The following MED12 variants were observed in gnomAD, a reference collection of about 807,000 sequenced individuals.
MED12 encodes mediator of RNA polymerase II transcription subunit 12.
In MED12, 10 loss-of-function variants were observed where a neutral mutation model predicts 177.7. That is an observed-to-expected ratio of 0.06 (90% CI 0.03 to 0.10). The LOEUF (loss-of-function observed/expected upper bound fraction) is 0.10, where lower values mean the gene tolerates loss of function less well. MED12 is among the 10% of genes least tolerant of loss of function. MED12 has a pLI of 1.00. For missense variants in MED12, 867 were observed against 1,780.8 expected, an observed-to-expected ratio of 0.49 and a Z score of 9.23; for synonymous variants, 641 against 678.4, an observed-to-expected ratio of 0.94 and a Z score of 0.86.
At chrX:71,128,535 A>AG (rs1241690170) in intron 23 of MED12, 63 bp from the exon 24 acceptor site, 1 of 1,207,208 alleles carries the variant, frequency 8.3e-7, no homozygotes, top group Non-Finnish European at 1.1e-6. Context: ...CGTAGAGTGG[A>AG]GGCACACCGC....
In MED12 at chrX:71,127,331, T is replaced by C; in HGVS notation, c.2850-5T>C. The C allele has an allele frequency of 1.7e-6, 2 of 1,211,541 alleles. No individual in the cohort carries two copies. Among genetic ancestry groups the C allele is most frequent in the African/African-American group, 3.5e-5 (2 of 57,873 alleles). On this transcript the variant is annotated splice_region_variant and splice_polypyrimidine_tract_variant and intron_variant, in intron 20 of 44. Transcript: ENST00000374080. ...TGACCCTCCCAACCTTGCTTCTTCATGCAGGCTGTGTGGCGTCGTGAAGCA... is the reference window on the plus strand; with the variant it reads ...TGACCCTCCCAACCTTGCTTCTTCACGCAGGCTGTGTGGCGTCGTGAAGCA...
intron 15 of MED12, 100 bp from the exon 16 acceptor site, chrX:71,125,251 G>T (rs779802833): frequency 1.7e-6 from 2 of 1,194,928 alleles, no homozygotes; most frequent in Admixed American, 2.2e-5. Flanking sequence ...GTTGGGAAAG[G>T]GAAGGGCTTT....
chrX:71,129,217 T>TAAGTGACCCTGATCTGAACCAGCCAAC lies in MED12; in HGVS notation c.3577+4_3577+30dup, dbSNP rs2092310663. 1 of 1,197,896 alleles carries TAAGTGACCCTGATCTGAACCAGCCAAC rather than the reference T, an allele frequency of 8.3e-7. No homozygotes were observed. Among genetic ancestry groups the TAAGTGACCCTGATCTGAACCAGCCAAC allele is most frequent in the Non-Finnish European group, 1.1e-6 (1 of 884,350 alleles). ...TCAATCCTTGCCAGTCTGATGGAAG[T>TAAGTGACCCTGATCTGAACCAGCCAAC]AAGTGACCCTGATCTGAACCAGCCA... On this transcript the variant is annotated splice_region_variant and intron_variant, in intron 25 of 44. Coordinates refer to ENST00000374080, the MANE Select transcript of MED12 (RefSeq NM_005120.3).
chrX:71,134,030 C>G (rs1358771243), intron 33 of MED12, among the ~76,000 whole-genome samples: 3 of 109,570 alleles, frequency 2.7e-5, no homozygotes, highest in Non-Finnish European at 5.7e-5. Flanking sequence ...GAGATCGAGA[C>G]CATCCTGGTT....
At chrX:71,128,824 C>T in intron 24 of MED12, 106 bp downstream of exon 24, 2 of 991,011 alleles carry the variant, frequency 2.0e-6, no homozygotes, top group Non-Finnish European at 2.8e-6. Context: ...GCTGCGGCTC[C>T]CTGGCCTTCC....
In MED12 at chrX:71,142,016, C is replaced by T. The variant is rs369098007; in HGVS notation, c.6490+52C>T. On this transcript the variant is annotated intron_variant, in intron 44 of 44. Coordinates refer to ENST00000374080, the MANE Select transcript of MED12 (RefSeq NM_005120.3). ...AACCCCATGGAATAAATTTAGGGGGCGGGGTGGGCCAAAGTAGCTGAAACG... is the reference window on the plus strand; with the variant it reads ...AACCCCATGGAATAAATTTAGGGGGTGGGGTGGGCCAAAGTAGCTGAAACG... 6.2e-5 allele frequency: 72 copies of T among 1,157,123 alleles called. No individual in the cohort carries two copies. In the South Asian group the frequency reaches 1.0e-3, roughly 17 times the overall value.
intron 21 of MED12, 39 bp from the exon 22 acceptor site, chrX:71,127,854 T>G (rs1454490106): frequency 1.4e-5 from 15 of 1,090,796 alleles, no homozygotes; most frequent in South Asian, 1.9e-5. Context: ...TCAGCAGGCC[T>G]TCTTCAACAC....
intron 33 of MED12, among the ~76,000 whole-genome samples, chrX:71,133,788 G>A (rs1057231604): frequency 9.0e-6 from 1 of 111,225 alleles, no homozygotes; most frequent in African/African-American, 3.3e-5. Context: ...CTGGGCCCTA[G>A]AAGCACTGGA....
intron 41 of MED12, among the ~76,000 whole-genome samples, chrX:71,139,513 G>C (rs1349001800): frequency 9.1e-6 from 1 of 110,304 alleles, no homozygotes; most frequent in Non-Finnish European, 1.9e-5. Context: ...TCCCAGAAAG[G>C]GCTCTTTTGA....
Position 71,120,056 on chromosome X carries a change from G to A in MED12, c.439G>A (p.Ala147Thr), listed in dbSNP as rs748453083. 8.3e-6 allele frequency: 10 copies of A among 1,209,905 alleles called. No individual in the cohort carries two copies. The highest frequency in any genetic ancestry group is 7.8e-6 in the Non-Finnish European group (7 of 895,177). Residue 147 changes from alanine (A) to threonine (T), a missense_variant, in exon 4 of 45, where the codon GCC (alanine) becomes ACC (threonine). By Grantham distance (58) the Ala-to-Thr change is moderately conservative (BLOSUM62 0). Coordinates refer to ENST00000374080, the MANE Select transcript of MED12 (RefSeq NM_005120.3). ...GAAGGAAGAGGTGTTTGGGTACTTAGCCAAATACACAGTGCCTGTGATGCG... is the reference window on the plus strand; with the variant it reads ...GAAGGAAGAGGTGTTTGGGTACTTAACCAAATACACAGTGCCTGTGATGCG... Reference protein sequence around the residue: ...SKKEEVFGYLAKYTVPVMRAA... With the variant: ...SKKEEVFGYLTKYTVPVMRAA...
Position 71,134,407 on chromosome X carries a change from G to A in MED12, c.4668G>A (p.Glu1556=). 1 of 1,171,230 alleles carries A rather than the reference G, an allele frequency of 8.5e-7. No individual in the cohort carries two copies. The highest frequency in any genetic ancestry group is 1.8e-5 in the African/African-American group (1 of 56,207). ...TVQRSTQQTT[E]WAMLLLEIII... is the part of the protein sequence containing the mutation. ...AGCGCAGCACCCAGCAGACCACGGA[G>A]TGGGCCATGCTCCTCCTGGAGATCA... Residue 1556 remains glutamate, a synonymous_variant, in exon 34 of 45, where the codon GAG becomes GAA. Transcript: ENST00000374080.
chrX:71,129,041 C>A, intron 24 of MED12, 73 bp from the exon 25 acceptor site: 1 of 826,564 alleles, frequency 1.2e-6, no homozygotes, highest in Non-Finnish European at 1.8e-6. Context: ...TGCATGCATG[C>A]AGGCACGCAC....
chrX:71,119,846 G>A lies in MED12; in HGVS notation c.365G>A (p.Gly122Asp), dbSNP rs2147773621. The A allele has an allele frequency of 8.3e-7, 1 of 1,211,247 alleles. No homozygotes were observed. Among genetic ancestry groups the A allele is most frequent in the Non-Finnish European group, 1.1e-6 (1 of 895,278 alleles). Residue 122 changes from glycine (G) to aspartate (D), a missense_variant, in exon 3 of 45, where the codon GGC (glycine) becomes GAC (aspartate). Gly to Asp is a moderately conservative substitution (Grantham distance 94, BLOSUM62 -1). This residue lies in a region of MED12 where 42 missense variants were observed against 129.6 expected (regional missense o/e 0.32). Coordinates refer to ENST00000374080, the MANE Select transcript of MED12 (RefSeq NM_005120.3). ...AACACTTGGTTCACTGACTTGGCTG[G>A]CACCAAGCCACTCACGCAACTAGCC... ...AINTWFTDLA[G>D]TKPLTQLAKK...
chrX:71,124,934 CT>C (rs2092299001), intron 14 of MED12, 41 bp from the exon 15 acceptor site: 1 of 1,204,130 alleles, frequency 8.3e-7, no homozygotes, highest in Non-Finnish European at 1.1e-6. Context: ...CCCTCATCCA[CT>C]TTCCTTCTTC....
rs1296958553 is a variant in MED12 at position 71,134,728 on chromosome X, T to A, written c.4743T>A (p.Thr1581=). 1.7e-6 allele frequency: 2 copies of A among 1,211,541 alleles called. No individual in the cohort carries two copies. Among genetic ancestry groups the A allele is most frequent in the Admixed American group, 2.2e-5 (1 of 45,991 alleles). ...DMQSNNELFT[T]VLDMLSVLIN... ...CCTGTCTCAGTGAGCTCTTCACTAC[T>A]GTGTTGGACATGCTGAGCGTGCTCA... The change falls in exon 35 of 45, where the codon ACT becomes ACA. Residue 1581 remains threonine, a synonymous_variant. Transcript: ENST00000374080.
chrX:71,136,057 C>T (rs764375619), intron 36 of MED12, among the ~76,000 whole-genome samples: 1 of 106,909 alleles, frequency 9.4e-6, no homozygotes, highest in African/African-American at 3.4e-5. Context: ...CTGGTCTGGG[C>T]TGGCTTCATC....
chrX:71,118,871 G>A lies in MED12; in HGVS notation c.99+18G>A. ...AGAAGGAGGTGCGTTCGAAAATCGG[G>A]GCTCTGGAGGGGCCGGGGGCACGCG... On this transcript the variant is annotated intron_variant, in intron 1 of 44. Coordinates refer to ENST00000374080, the MANE Select transcript of MED12 (RefSeq NM_005120.3). The A allele has an allele frequency of 8.5e-7, 1 of 1,177,612 alleles. No homozygotes were observed. The highest frequency in any genetic ancestry group is 1.2e-6 in the Non-Finnish European group (1 of 867,254).
Position 71,124,844 on chromosome X carries a change from A to G in MED12, c.2055A>G (p.Ser685=). 5 of 1,202,108 alleles carry G rather than the reference A, an allele frequency of 4.2e-6. No individual in the cohort carries two copies. Among genetic ancestry groups the G allele is most frequent in the Non-Finnish European group, 5.6e-6 (5 of 886,746 alleles). ...AGGACATGGAGAAGCCTGATTTCTC[A>G]GTAAGTTCAATCCTGAGCGTGGCAG... The part of the protein sequence containing the change: ...LFEDMEKPDF[S]LFSPTMPCEG... The change falls in exon 14 of 45, where the codon TCA becomes TCG. Residue 685 remains serine (S), a splice_region_variant and synonymous_variant. Transcript: ENST00000374080.
chrX:71,134,207 G>A (rs1211359307), intron 33 of MED12, 150 bp from the exon 34 acceptor site: 6 of 427,837 alleles, frequency 1.4e-5, no homozygotes, highest in Non-Finnish European at 2.4e-5. Context: ...CTCTAGCCTG[G>A]GTGACAGAGC....
Sources: allele counts gnomAD v4.1 joint callset (sites outside exome capture counted in the v4.1 genomes callset), GRCh38; gene constraint gnomAD v4.1.1; regional missense constraint gnomAD v4.1.1; transcripts MANE v1.5; gene names NCBI Gene and HGNC (gene_info 2026-07-23, HGNC 2026-07-21).